The following SRGAP2 variants were observed in gnomAD, a reference collection of about 807,000 sequenced individuals.
The protein encoded by SRGAP2 is SLIT-ROBO Rho GTPase activating protein 2.
In SRGAP2, 15 loss-of-function variants were observed where a neutral mutation model predicts 57.2. The observed-to-expected ratio is 0.26, with a 90% CI of 0.18 to 0.40. The LOEUF is 0.40. SRGAP2 is among the 10% of genes least tolerant of loss of function. The pLI is 1.00. For synonymous variants in SRGAP2, 249 were observed against 248.0 expected (o/e 1.00, Z -0.04); for missense variants, 520 against 669.6 (o/e 0.78, Z 2.47).
rs1572173759 is a variant in SRGAP2 at position 206,445,459 on chromosome 1, G to A, written c.1875-616G>A. Among the ~76,000 whole-genome samples, 3 of 152,158 alleles carry A rather than the reference G, an allele frequency of 2.0e-5. No homozygotes were observed. In the South Asian group the frequency reaches 6.2e-4, roughly 32 times the overall value. On this transcript the variant is annotated intron_variant, in intron 17 of 22. Transcript: ENST00000573034. Reference sequence around the variant, plus strand: ...AAATCCTGAATGTAATAATCTAGAAGGAGATTATGAACACGAAAAACAATT... The same window carrying A: ...AAATCCTGAATGTAATAATCTAGAAAGAGATTATGAACACGAAAAACAATT...
At chr1:206,360,255 G>A (rs1676806935) in intron 4 of SRGAP2, among the ~76,000 whole-genome samples, 1 of 148,342 alleles carries the variant, frequency 6.7e-6, no homozygotes. Flanking sequence ...CTAAGGCCAT[G>A]AGATGGGAAT....
intron 2 of SRGAP2, among the ~76,000 whole-genome samples, chr1:206,259,771 T>G (rs1669433790): frequency 6.8e-6 from 1 of 146,420 alleles, no homozygotes; most frequent in Non-Finnish European, 1.5e-5. Context: ...AATAAATTTA[T>G]TAAATATTAT....
intron 3 of SRGAP2, among the ~76,000 whole-genome samples, chr1:206,339,911 T>G (rs375849811): frequency 0.49 from 70,636 of 142,848 alleles, 18,093 homozygotes; most frequent in East Asian, 0.74. Flanking sequence ...TGCCTCAGCC[T>G]CCCAAGTAGC....
At chr1:206,389,200 A>G (rs1553349502) in intron 5 of SRGAP2, among the ~76,000 whole-genome samples, 11 of 90,110 alleles carry the variant, frequency 1.2e-4, no homozygotes, top group Admixed American at 3.5e-4. Flanking sequence ...TTTGAGATGG[A>G]GTCTTGCTCT....
chr1:206,409,820 T>C (rs1659038594), intron 10 of SRGAP2, among the ~76,000 whole-genome samples: 1 of 149,450 alleles, frequency 6.7e-6, no homozygotes, highest in Non-Finnish European at 1.5e-5. Flanking sequence ...ATAAATCTGC[T>C]GGGCGTGGTG....
intron 13 of SRGAP2, among the ~76,000 whole-genome samples, chr1:206,428,435 AAAAG>A (rs1661002840): frequency 6.6e-6 from 1 of 151,778 alleles, no homozygotes; most frequent in Non-Finnish European, 1.5e-5. Flanking sequence ...AAAAAAAAAA[AAAAG>A]AAAAAGAAAT....
chr1:206,266,551 T>G (rs1553314561), intron 2 of SRGAP2, among the ~76,000 whole-genome samples: 2 of 152,124 alleles, frequency 1.3e-5, no homozygotes, highest in African/African-American at 4.8e-5. Context: ...CCTTCTGTAT[T>G]TTTTATTGCT....
At chr1:206,366,432 C>T (rs2103008491) in intron 4 of SRGAP2, among the ~76,000 whole-genome samples, 1 of 152,232 alleles carries the variant, frequency 6.6e-6, no homozygotes, top group East Asian at 1.9e-4. Context: ...AATGAATGTT[C>T]TCGTTAAATA....
At chr1:206,449,289 T>A (rs1367564504) in intron 18 of SRGAP2, among the ~76,000 whole-genome samples, 1 of 141,240 alleles carries the variant, frequency 7.1e-6, no homozygotes, top group Non-Finnish European at 1.6e-5. Flanking sequence ...CTGGATGATT[T>A]TTTTTTTTTT....
intron 18 of SRGAP2, among the ~76,000 whole-genome samples, chr1:206,447,993 G>T (rs12129635): frequency 0.061 from 9,305 of 152,266 alleles, 328 homozygotes; most frequent in African/African-American, 0.069. Flanking sequence ...CATTACTACC[G>T]CAGACTGTGT....
intron 4 of SRGAP2, among the ~76,000 whole-genome samples, chr1:206,373,117 T>TCC (rs1553343070): frequency 1.6e-5 from 2 of 126,108 alleles, no homozygotes; most frequent in African/African-American, 6.7e-5. Context: ...TTTTTTTTTT[T>TCC]CTGAGTCTTG....
At chr1:206,424,044 C>T (rs1482582270) in intron 13 of SRGAP2, among the ~76,000 whole-genome samples, 2 of 150,044 alleles carry the variant, frequency 1.3e-5, no homozygotes, top group Admixed American at 6.7e-5. Context: ...CCACCTGCCT[C>T]GGCCTCCCAA....
intron 20 of SRGAP2, 156 bp downstream of exon 20, chr1:206,453,536 C>T (rs542872144): frequency 1.6e-5 from 6 of 380,300 alleles, no homozygotes; most frequent in South Asian, 2.4e-4. Context: ...GCACCCCCCC[C>T]ACCCCCCGCC....
At chr1:206,237,562 C>T (rs576103391) in intron 2 of SRGAP2, among the ~76,000 whole-genome samples, 2,939 of 152,228 alleles carry the variant, frequency 0.019, 41 homozygotes, top group Non-Finnish European at 0.031. Flanking sequence ...AATTCAGCAG[C>T]AATTTTTTTT....
intron 2 of SRGAP2, among the ~76,000 whole-genome samples, chr1:206,262,673 T>C (rs1432355167): frequency 2.5e-4 from 37 of 148,666 alleles, no homozygotes; most frequent in African/African-American, 8.9e-4. Context: ...TTGCTGTATA[T>C]CTGCAGGAAA....
intron 4 of SRGAP2, among the ~76,000 whole-genome samples, chr1:206,367,265 T>C (rs1355468150): frequency 2.0e-5 from 3 of 152,262 alleles, no homozygotes; most frequent in African/African-American, 7.2e-5. Context: ...TCTTTCTTGC[T>C]GTGAAAATTT....
chr1:206,383,603 C>CT (rs1295011144), intron 4 of SRGAP2, among the ~76,000 whole-genome samples: 1 of 151,802 alleles, frequency 6.6e-6, no homozygotes, highest in Non-Finnish European at 1.5e-5. Context: ...TGTTTATATA[C>CT]TTTTTCCTAT....
At chr1:206,364,179 C>T (rs1333338454) in intron 4 of SRGAP2, among the ~76,000 whole-genome samples, 1 of 148,316 alleles carries the variant, frequency 6.7e-6, no homozygotes, top group East Asian at 2.0e-4. Flanking sequence ...TGTTTGGAAT[C>T]AATAAGCAGG....
Position 206,454,307 on chromosome 1 carries a change from T to A in SRGAP2, c.2361-571T>A, listed in dbSNP as rs536712383. The A allele has an allele frequency of 4.6e-6, 3 of 652,958 alleles. No individual in the cohort carries two copies. Among genetic ancestry groups the A allele is most frequent in the African/African-American group, 1.8e-5 (1 of 55,674 alleles). The allele number at this position is 652,958 out of a possible 1,614,324, so 40.4% of individuals were successfully genotyped here. On this transcript the variant is annotated intron_variant, in intron 20 of 22. Transcript: ENST00000573034. This position sits in a 1 kb window ranked among gnomAD's most constrained non-coding sequence, Gnocchi z 4.3. ...ACTTCACCACAGGATCAAGAGAAGATGAATTGTGGGGGAGAAGGGGCTTTC... is the reference window on the plus strand; with the variant it reads ...ACTTCACCACAGGATCAAGAGAAGAAGAATTGTGGGGGAGAAGGGGCTTTC...
Sources: gnomAD v4.1 joint callset for allele counts (sites outside exome capture counted in the v4.1 genomes callset) on GRCh38, gnomAD v4.1.1 for gene constraint, Gnocchi (gnomAD v3.1) non-coding constraint, MANE v1.5 for transcripts, NCBI Gene and HGNC (gene_info 2026-07-23, HGNC 2026-07-21) for gene names.